The following ITSN1 variants were observed in gnomAD, a reference collection of about 807,000 sequenced individuals.
The protein encoded by ITSN1 is intersectin-1.
A neutral mutation model predicts 239.8 loss-of-function variants in ITSN1; 58 were observed. The ratio of observed to expected loss-of-function variants is 0.24; its 90% CI spans 0.20 to 0.30. The LOEUF (loss-of-function observed/expected upper bound fraction) is 0.30, where lower values mean the gene tolerates loss of function less well. ITSN1 is among the 10% of genes least tolerant of loss of function. ITSN1 has a pLI of 1.00. For missense variants in ITSN1, 1,558 were observed against 2,103.3 expected, an observed-to-expected ratio of 0.74 and a Z score of 5.07; for synonymous variants, 780 against 770.8, an observed-to-expected ratio of 1.01 and a Z score of -0.20.
chr21:33,673,702 G>T (rs2090436177), intron 1 of ITSN1, among the ~76,000 whole-genome samples: 1 of 151,134 alleles, frequency 6.6e-6, no homozygotes, highest in South Asian at 2.1e-4. Context: ...TAACTGAACT[G>T]CAGGCTTCTC....
rs1214167328 is a variant in ITSN1 at position 33,826,933 on chromosome 21, T to C, written c.3229+70T>C. 9.5e-6 allele frequency: 12 copies of C among 1,258,230 alleles called. No individual in the cohort carries two copies. In the Admixed American group the frequency reaches 2.0e-4, roughly 21 times the overall value. The allele number at this position is 1,258,230 out of a possible 1,614,324, so 77.9% of individuals were successfully genotyped here. A position where few individuals can be genotyped will look rare whatever the true frequency, so the allele number is the denominator to read the frequency against. On this transcript the variant is annotated intron_variant, in intron 26 of 39. Coordinates refer to ENST00000381318, the MANE Select transcript of ITSN1 (RefSeq NM_003024.3). ...AATTGATAGTTGCTCCCCATCTTTG[T>C]GTATTAGGGCCAGAAGCCTAAAATA...
intron 5 of ITSN1, among the ~76,000 whole-genome samples, chr21:33,745,961 T>G (rs1192569268): frequency 1.3e-5 from 2 of 152,186 alleles, no homozygotes; most frequent in African/African-American, 4.8e-5. Flanking sequence ...GTCTGAACTT[T>G]GAATGCATTT....
intron 29 of ITSN1, among the ~76,000 whole-genome samples, chr21:33,845,449 A>T (rs1008187916): frequency 6.6e-6 from 1 of 151,994 alleles, no homozygotes; most frequent in Admixed American, 6.5e-5. Context: ...AGCTATTCTA[A>T]AAACATCACT....
At chr21:33,885,247 G>A in intron 37 of ITSN1, 124 bp downstream of exon 37, 1 of 1,001,230 alleles carries the variant, frequency 1.0e-6, no homozygotes, top group Non-Finnish European at 1.5e-6. Context: ...GAATGAGATG[G>A]AAGTGAGCTT....
At chr21:33,689,176 C>G (rs1383258623) in intron 1 of ITSN1, 1 of 152,102 alleles carries the variant, frequency 6.6e-6, no homozygotes, top group Non-Finnish European at 1.5e-5. Context: ...TTCAGGATTG[C>G]CTAATGTTGA....
rs535106851 is a variant in ITSN1, at chr21:33,658,720, T to C, written c.-33+16007T>C. On this transcript the variant is annotated intron_variant, in intron 1 of 39. Coordinates refer to ENST00000381318, the MANE Select transcript of ITSN1 (RefSeq NM_003024.3). The stretch of plus-strand genomic sequence containing the variant: ...TTCTTCTGACCAACCTCTTCCTCTG[T>C]CTGTATATCCCATCTTGGTGAATGA... 3.3e-5 allele frequency among the ~76,000 whole-genome samples: 5 copies of C among 152,368 alleles called. No homozygotes were observed. In the South Asian group the frequency reaches 6.2e-4, roughly 19 times the overall value.
chr21:33,750,731 G>A (rs1018219766), intron 6 of ITSN1, among the ~76,000 whole-genome samples: 6 of 152,324 alleles, frequency 3.9e-5, no homozygotes, highest in Middle Eastern at 3.4e-3. Context: ...AACTATGTTG[G>A]GGGTTGTGGG....
At chr21:33,725,096 C>T (rs2147135318) in intron 4 of ITSN1, among the ~76,000 whole-genome samples, 1 of 145,430 alleles carries the variant, frequency 6.9e-6, no homozygotes, top group East Asian at 2.0e-4. Flanking sequence ...ATAATGAGCC[C>T]TCATCTTTAA....
chr21:33,762,069 C>A, intron 9 of ITSN1, 83 bp downstream of exon 9: 1 of 940,760 alleles, frequency 1.1e-6, no homozygotes, highest in South Asian at 1.3e-5. Context: ...AGATTAATAC[C>A]GTTTTTTATG....
At chr21:33,837,892 C>A (rs16990924) in intron 29 of ITSN1, 11 of 985,692 alleles carry the variant, frequency 1.1e-5, no homozygotes, top group Non-Finnish European at 1.3e-5. Flanking sequence ...GAGGTCGTTA[C>A]GATCAACGAT....
At chr21:33,881,404 C>T (rs2148554048) in intron 34 of ITSN1, among the ~76,000 whole-genome samples, 1 of 116,840 alleles carries the variant, frequency 8.6e-6, no homozygotes, top group African/African-American at 4.0e-5. Context: ...GAGACTCTGT[C>T]TCAAAAAAAA....
rs1359962800 is a variant in ITSN1, at chr21:33,673,924, GGGATCATTTATTTGTTCA to G, written c.-33+31216_-33+31233del. Among the ~76,000 whole-genome samples the G allele has an allele frequency of 3.3e-5, 5 of 152,284 alleles. No individual in the cohort carries two copies. The East Asian group carries it at 9.6e-4, about 29-fold the overall frequency. ...AACTTCTGTACATCTTGCCCCAAAT[GGGATCATTTATTTGTTCA>G]GGATAAAATGTTTTTGAAGTTTTTA... On this transcript the variant is annotated intron_variant, in intron 1 of 39. Transcript: ENST00000381318.
chr21:33,816,825 T>C (rs1444732811), intron 22 of ITSN1, among the ~76,000 whole-genome samples: 1 of 151,984 alleles, frequency 6.6e-6, no homozygotes, highest in Admixed American at 6.6e-5. Context: ...CTTAGGGGTG[T>C]TCGAAATCCA....
At chr21:33,679,735 G>T (rs1320395605) in intron 1 of ITSN1, among the ~76,000 whole-genome samples, 2 of 112,202 alleles carry the variant, frequency 1.8e-5, no homozygotes, top group Admixed American at 2.8e-4. Context: ...ACGGAGTCTC[G>T]CTCTGTCACA....
At chr21:33,829,567 G>C (rs201324915) in intron 26 of ITSN1, 57 bp from the exon 27 acceptor site, 33 of 1,594,310 alleles carry the variant, frequency 2.1e-5, no homozygotes, top group Non-Finnish European at 2.5e-5. Context: ...CATCTTCTTG[G>C]CCTTTTCTCC....
chr21:33,649,443 C>T (rs1024337786), intron 1 of ITSN1, among the ~76,000 whole-genome samples: 6 of 152,148 alleles, frequency 3.9e-5, no homozygotes, highest in Admixed American at 1.3e-4. Context: ...ACTGCTCTTT[C>T]GGTGTTTTTC....
chr21:33,843,617 C>G (rs545486143), intron 29 of ITSN1, among the ~76,000 whole-genome samples: 1 of 152,194 alleles, frequency 6.6e-6, no homozygotes, highest in Admixed American at 6.5e-5. Context: ...CCATTTCTCT[C>G]ATCATTTTGG....
In ITSN1 at chr21:33,885,851, C is replaced by A. The variant is rs1048733274; in HGVS notation, c.4843+329C>A. On this transcript the variant is annotated intron_variant, in intron 38 of 39. Transcript: ENST00000381318. ...GTTTTTAGTTTAAGGATGAAGCTGA[C>A]TTCTGGGAGTTTCCACCCGGATTCT... Among the ~76,000 whole-genome samples the A allele has an allele frequency of 5.3e-5, 8 of 152,260 alleles. No homozygotes were observed. In the Middle Eastern group the frequency reaches 0.014, roughly 259 times the overall value.
chr21:33,646,412 CTG>C (rs925658894), intron 1 of ITSN1, among the ~76,000 whole-genome samples: 26 of 152,308 alleles, frequency 1.7e-4, no homozygotes, highest in African/African-American at 6.0e-4. Context: ...GTCCAACATA[CTG>C]CTATAAAAAT....
Sources: allele counts gnomAD v4.1 joint callset (sites outside exome capture counted in the v4.1 genomes callset), GRCh38; gene constraint gnomAD v4.1.1; transcripts MANE v1.5; gene names NCBI Gene and HGNC (gene_info 2026-07-23, HGNC 2026-07-21).